P2RY12: variants seen among roughly 807,000 people sequenced by gnomAD.
P2RY12 encodes purinergic receptor P2Y12, also known as P2Y purinoceptor 12.
In P2RY12, 3 loss-of-function variants were observed where a neutral mutation model predicts 4.5. The observed-to-expected ratio is 0.67, with a 90% CI of 0.31 to 1.74. P2RY12 has a LOEUF of 1.74. P2RY12 is among the 40% of genes most tolerant of loss of function. The pLI, the probability that P2RY12 is intolerant of heterozygous loss-of-function variation, is 0.09. For missense variants in P2RY12, 356 were observed against 407.8 expected, an observed-to-expected ratio of 0.87 and a Z score of 1.09; for synonymous variants, 148 against 154.1, an observed-to-expected ratio of 0.96 and a Z score of 0.29.
At chr3:151,382,079 C>T (rs1712466911) in intron 1 of P2RY12, among the ~76,000 whole-genome samples, 1 of 152,088 alleles carries the variant, frequency 6.6e-6, no homozygotes, top group Admixed American at 6.5e-5. Flanking sequence ...CCTTTTCCAG[C>T]ATTAGTGTGA....
chr3:151,355,816 TAAA>T lies in P2RY12; in HGVS notation c.-179-15059_-179-15057del, dbSNP rs1319929967. On this transcript the variant is annotated intron_variant, in intron 1 of 2. Transcript: ENST00000302632. ...GAATCATGTATAGATTCAACTGTCT[TAAA>T]AAGTAAAAATGATTTATCTTAGTAA... is the stretch of plus-strand genomic sequence containing the variant. 6.7e-6 allele frequency: 9 copies of T among 1,334,608 alleles called. No homozygotes were observed. In the East Asian group the frequency reaches 1.0e-4, roughly 15 times the overall value. 82.7% of individuals were successfully genotyped at this position (1,334,608 alleles called of 1,614,324 possible).
intron 1 of P2RY12, among the ~76,000 whole-genome samples, chr3:151,349,745 A>T (rs2150016055): frequency 6.6e-6 from 1 of 152,342 alleles, no homozygotes; most frequent in African/African-American, 2.4e-5. Flanking sequence ...TGTGAAATTA[A>T]TACCATGTTC....
intron 1 of P2RY12, chr3:151,376,710 T>C (rs946920129): frequency 4.7e-6 from 5 of 1,053,870 alleles, no homozygotes; most frequent in Non-Finnish European, 7.2e-6. Flanking sequence ...ATTATTCTGC[T>C]CTTTCTTGAG....
At chr3:151,384,549 A>T (rs1478714860) in intron 1 of P2RY12, 143 bp downstream of exon 1, 1 of 203,872 alleles carries the variant, frequency 4.9e-6, no homozygotes, top group Non-Finnish European at 9.7e-6. Flanking sequence ...AATTGAAAAA[A>T]TAGCCATCTG....
intron 1 of P2RY12, chr3:151,376,065 T>C (rs1409970288): frequency 1.2e-6 from 2 of 1,603,606 alleles, no homozygotes; most frequent in Non-Finnish European, 1.7e-6. Context: ...ACCTGAAAGA[T>C]TATGTACAGA....
At chr3:151,359,841 A>G (rs1157160325) in intron 1 of P2RY12, among the ~76,000 whole-genome samples, 2 of 152,132 alleles carry the variant, frequency 1.3e-5, no homozygotes, top group Non-Finnish European at 2.9e-5. Context: ...TGGTGTATGG[A>G]CTTCTGTGTT....
In P2RY12 at chr3:151,350,006, T is replaced by G. The variant is rs112557085; in HGVS notation, c.-179-9246A>C. 1.5e-5 allele frequency: 24 copies of G among 1,571,920 alleles called. 1 individual carries two copies. In the South Asian group the frequency reaches 2.6e-4, roughly 17 times the overall value. On this transcript the variant is annotated intron_variant, in intron 1 of 2. Coordinates refer to ENST00000302632, the MANE Select transcript of P2RY12 (RefSeq NM_022788.5). ...GTCAGTGCATTTCAGGGATATGAAATGCAACCCCACCCCTGCAGACAAGAG... is the reference window on the plus strand; with the variant it reads ...GTCAGTGCATTTCAGGGATATGAAAGGCAACCCCACCCCTGCAGACAAGAG...
At chr3:151,376,275 G>A in intron 1 of P2RY12, 1 of 1,246,840 alleles carries the variant, frequency 8.0e-7, no homozygotes, top group Admixed American at 2.9e-5. Flanking sequence ...AATAAAAAGA[G>A]TTACTTCCTC....
chr3:151,362,693 T>C (rs1224437468), intron 1 of P2RY12, among the ~76,000 whole-genome samples: 3 of 152,058 alleles, frequency 2.0e-5, no homozygotes, highest in East Asian at 1.9e-4. Flanking sequence ...TCTTGAAGAG[T>C]ATGTGGCTCT....
At position 151,372,480 on chromosome 3, in the gene P2RY12, T is replaced by A. The variant is rs907509321; in HGVS notation, c.-180+12212A>T. On this transcript the variant is annotated intron_variant, in intron 1 of 2. Transcript: ENST00000302632. Reference sequence around the variant, plus strand: ...AATAATACTGTTCATATATTTTAAATCCCTGAATGCTATCCTCATTTGCTC... The same window carrying A: ...AATAATACTGTTCATATATTTTAAAACCCTGAATGCTATCCTCATTTGCTC... The A allele has an allele frequency of 3.2e-6, 3 of 934,290 alleles. No homozygotes were observed. The African/African-American group carries it at 4.9e-5, about 15-fold the overall frequency. 57.9% of individuals were successfully genotyped at this position (934,290 alleles called of 1,614,324 possible).
At chr3:151,380,048 T>C (rs1577504761) in intron 1 of P2RY12, 1 of 1,008,406 alleles carries the variant, frequency 9.9e-7, no homozygotes, top group South Asian at 1.6e-5. Context: ...AAGAAATGAA[T>C]GTTGCCAGAG....
chr3:151,377,705 A>G (rs1385585895), intron 1 of P2RY12, among the ~76,000 whole-genome samples: 2 of 152,180 alleles, frequency 1.3e-5, no homozygotes, highest in East Asian at 1.9e-4. Flanking sequence ...ACAGAAAAGT[A>G]TATTGTTTGT....
intron 1 of P2RY12, among the ~76,000 whole-genome samples, chr3:151,382,284 A>G (rs1712517638): frequency 6.6e-6 from 1 of 152,248 alleles, no homozygotes; most frequent in Non-Finnish European, 1.5e-5. Flanking sequence ...CCCTAGAAAT[A>G]TAACAGGACT....
intron 1 of P2RY12, among the ~76,000 whole-genome samples, chr3:151,378,598 C>T (rs1292468542): frequency 6.6e-6 from 1 of 151,920 alleles, no homozygotes; most frequent in Admixed American, 6.6e-5. Flanking sequence ...ACATTTAGGG[C>T]TCCTGTTCTA....
intron 1 of P2RY12, chr3:151,357,332 T>C: frequency 6.2e-7 from 1 of 1,613,728 alleles, no homozygotes; most frequent in Non-Finnish European, 8.5e-7. Context: ...GCTATCACAG[T>C]TGTCTAATCT....
intron 1 of P2RY12, chr3:151,376,860 T>C: frequency 6.2e-7 from 1 of 1,614,020 alleles, no homozygotes; most frequent in Non-Finnish European, 8.5e-7. Flanking sequence ...GATCAAACAG[T>C]GCTTGAAGGA....
At chr3:151,349,051 G>C in intron 1 of P2RY12, among the ~76,000 whole-genome samples, 1 of 152,220 alleles carries the variant, frequency 6.6e-6, no homozygotes, top group Middle Eastern at 3.2e-3. Flanking sequence ...AGTAAGAAAA[G>C]GAGGTTTACC....
intron 1 of P2RY12, among the ~76,000 whole-genome samples, chr3:151,358,854 C>G (rs1411564541): frequency 6.6e-6 from 1 of 152,130 alleles, no homozygotes; most frequent in Non-Finnish European, 1.5e-5. Context: ...CGATGGATAC[C>G]TAAACCTAAC....
At chr3:151,345,517 C>CTTTTTTTTTTTTT (rs201731496) in intron 1 of P2RY12, among the ~76,000 whole-genome samples, 10 of 131,646 alleles carry the variant, frequency 7.6e-5, no homozygotes, top group Admixed American at 1.6e-4. Context: ...TTTTCTTTTT[C>CTTTTTTTTTTTTT]TTTTTTTTTT....
Sources: gnomAD v4.1 joint callset for allele counts (sites outside exome capture counted in the v4.1 genomes callset) on GRCh38, gnomAD v4.1.1 for gene constraint, MANE v1.5 for transcripts, NCBI Gene and HGNC (gene_info 2026-07-23, HGNC 2026-07-21) for gene names.